Variants in DIS3L observed in about 807,000 individuals in gnomAD.
The protein encoded by DIS3L is DIS3 like exosome 3'-5' exoribonuclease, also known as DIS3-like exonuclease 1.
A neutral mutation model predicts 120.3 loss-of-function variants in DIS3L; 100 were observed. The observed-to-expected ratio is 0.83, with a 90% CI of 0.71 to 0.98. The LOEUF (loss-of-function observed/expected upper bound fraction) is 0.98, where lower values mean the gene tolerates loss of function less well. Ranked by LOEUF, DIS3L falls within the 50% of genes least tolerant of loss-of-function variation. The pLI is 0.00. For synonymous variants in DIS3L, 426 were observed against 470.6 expected (o/e 0.91, Z 1.23); for missense variants, 1,196 against 1,314.2 (o/e 0.91, Z 1.39).
chr15:66,319,111 CT>C (rs2092853007), intron 8 of DIS3L, among the ~76,000 whole-genome samples: 2 of 151,808 alleles, frequency 1.3e-5, no homozygotes, highest in South Asian at 4.2e-4. Flanking sequence ...TTTTTTAATT[CT>C]TTTTTTGTAG....
intron 12 of DIS3L, among the ~76,000 whole-genome samples, chr15:66,328,196 A>G (rs2092959020): frequency 6.6e-6 from 1 of 152,210 alleles, no homozygotes; most frequent in African/African-American, 2.4e-5. Context: ...TTTAACAGTC[A>G]GGGCAGAGCC....
chr15:66,307,293 A>AT (rs990553975), intron 3 of DIS3L, among the ~76,000 whole-genome samples: 4 of 151,090 alleles, frequency 2.6e-5, no homozygotes, highest in African/African-American at 4.9e-5. Context: ...TTGTTTTTTT[A>AT]TTTTTTTTAA....
rs966837610 is a variant in DIS3L at position 66,333,518 on chromosome 15, C to G, written c.*206C>G. On this transcript the variant is annotated 3_prime_UTR_variant, in exon 17 of 17. Coordinates refer to ENST00000319212, the MANE Select transcript of DIS3L (RefSeq NM_001143688.3). ...GGCTGAGGCGGGCGGATCACGAGGTCAGGAGATTGAGACCATCCTGGCTAA... is the reference window on the plus strand; with the variant it reads ...GGCTGAGGCGGGCGGATCACGAGGTGAGGAGATTGAGACCATCCTGGCTAA... 1 of 445,242 alleles carries G rather than the reference C, an allele frequency of 2.2e-6. No homozygotes were observed. Among genetic ancestry groups the G allele is most frequent in the Non-Finnish European group, 3.9e-6 (1 of 254,262 alleles). The allele number at this position is 445,242 out of a possible 1,614,324, so 27.6% of individuals were successfully genotyped here.
chr15:66,293,913 C>G (rs967842230), intron 1 of DIS3L, 178 bp downstream of exon 1: 86 of 1,000,086 alleles, frequency 8.6e-5, no homozygotes, highest in Non-Finnish European at 1.0e-4. Context: ...ACCCAGCGGC[C>G]CGGGTCCGCG....
Position 66,300,415 on chromosome 15 carries a change from C to T in DIS3L, c.293+5274C>T, listed in dbSNP as rs557936951. Among the ~76,000 whole-genome samples the T allele has an allele frequency of 2.0e-5, 3 of 152,258 alleles. No individual in the cohort carries two copies. In the South Asian group the frequency reaches 6.2e-4, roughly 32 times the overall value. On this transcript the variant is annotated intron_variant, in intron 2 of 16. Coordinates refer to ENST00000319212, the MANE Select transcript of DIS3L (RefSeq NM_001143688.3). ...GGTCAAGGGGAACAGGCAATGACTG[C>T]TTAATGGATGGATACAGATTTCTTT...
At chr15:66,300,486 G>A (rs2092636516) in intron 2 of DIS3L, among the ~76,000 whole-genome samples, 1 of 152,208 alleles carries the variant, frequency 6.6e-6, no homozygotes, top group Admixed American at 6.5e-5. Flanking sequence ...GGTGATGGTT[G>A]CATAACTGTG....
At chr15:66,301,048 G>A (rs2092642248) in intron 2 of DIS3L, among the ~76,000 whole-genome samples, 1 of 152,070 alleles carries the variant, frequency 6.6e-6, no homozygotes, top group Non-Finnish European at 1.5e-5. Flanking sequence ...CACTGGTGTG[G>A]GACTCCCACT....
intron 8 of DIS3L, 116 bp from the exon 9 acceptor site, chr15:66,320,455 C>T: frequency 8.8e-7 from 1 of 1,138,552 alleles, no homozygotes; most frequent in African/African-American, 1.6e-5. Context: ...CCACTATTTG[C>T]ACCTGGCCAC....
chr15:66,333,427 C>G lies in DIS3L; in HGVS notation c.*115C>G, dbSNP rs1006074965. 8.6e-7 allele frequency: 1 copy of G among 1,162,066 alleles called. No individual in the cohort carries two copies. Among genetic ancestry groups the G allele is most frequent in the Non-Finnish European group, 1.2e-6 (1 of 836,124 alleles). 72.0% of individuals were successfully genotyped at this position (1,162,066 alleles called of 1,614,324 possible). On this transcript the variant is annotated 3_prime_UTR_variant, in exon 17 of 17. Transcript: ENST00000319212. ...GTCGATCAGGACTGGGTAGCTATTT[C>G]GCATATATGTAAAATGTTCTCAGCC...
chr15:66,310,474 A>G (rs1051014318), intron 4 of DIS3L, among the ~76,000 whole-genome samples: 4 of 152,198 alleles, frequency 2.6e-5, no homozygotes, highest in Admixed American at 6.5e-5. Flanking sequence ...GAGGTGAATG[A>G]TAGTAGAAAA....
Position 66,311,885 on chromosome 15 carries a change from T to C in DIS3L, c.720T>C (p.Ser240=), listed in dbSNP as rs762913277. The part of the protein sequence containing the change: ...PLEVLEAGIK[S]GRYIQGILNV... The stretch of plus-strand genomic sequence containing the variant: ...AAGTGTTAGAAGCTGGGATTAAATC[T>C]GGACGCTATATCCAGGTGAGGGTGG... The change falls in exon 5 of 17, where the codon TCT becomes TCC. Residue 240 remains serine (S), a synonymous_variant. Coordinates refer to ENST00000319212, the MANE Select transcript of DIS3L (RefSeq NM_001143688.3). The C allele has an allele frequency of 5.6e-6, 9 of 1,613,946 alleles. No individual in the cohort carries two copies. The highest frequency in any genetic ancestry group is 2.5e-6 in the Non-Finnish European group (3 of 1,179,970).
chr15:66,316,708 G>T (rs2092820346), intron 7 of DIS3L, among the ~76,000 whole-genome samples: 1 of 152,156 alleles, frequency 6.6e-6, no homozygotes, highest in South Asian at 2.1e-4. Flanking sequence ...CCCAGCTACT[G>T]GGAAGCTGAG....
chr15:66,294,962 C>T, intron 1 of DIS3L, 26 bp from the exon 2 acceptor site: 1 of 1,579,088 alleles, frequency 6.3e-7, no homozygotes. Flanking sequence ...ATTGTCTAAT[C>T]TCTTACATTT....
At chr15:66,318,676 C>G in intron 8 of DIS3L, 58 bp downstream of exon 8, 1 of 1,553,546 alleles carries the variant, frequency 6.4e-7, no homozygotes, top group Non-Finnish European at 8.7e-7. Context: ...CTGTCTTTAC[C>G]AGCTTTTTAG....
chr15:66,328,865 T>C lies in DIS3L; in HGVS notation c.2202-105T>C, dbSNP rs2092965655. The C allele has an allele frequency of 8.7e-6, 12 of 1,383,054 alleles. No homozygotes were observed. In the South Asian group the frequency reaches 1.5e-4, roughly 18 times the overall value. The allele number at this position is 1,383,054 out of a possible 1,614,324, so 85.7% of individuals were successfully genotyped here. A position where few individuals can be genotyped will look rare whatever the true frequency, so the allele number is the denominator to read the frequency against. ...TGAAACGTGTCCAAAACAAATTTAC[T>C]GGCAGATGAAGGTATTCAGACGGAT... On this transcript the variant is annotated intron_variant, in intron 12 of 16. Coordinates refer to ENST00000319212, the MANE Select transcript of DIS3L (RefSeq NM_001143688.3).
At chr15:66,295,643 C>T (rs922625849) in intron 2 of DIS3L, among the ~76,000 whole-genome samples, 24 of 152,184 alleles carry the variant, frequency 1.6e-4, no homozygotes, top group African/African-American at 5.8e-4. Context: ...AGTGTAACTA[C>T]CAGCCATAGT....
At chr15:66,294,529 C>CA in intron 1 of DIS3L, 1 of 989,592 alleles carries the variant, frequency 1.0e-6, no homozygotes, top group Non-Finnish European at 1.2e-6. Flanking sequence ...ACGTTGCTTG[C>CA]ACGGAGCATT....
intron 12 of DIS3L, among the ~76,000 whole-genome samples, chr15:66,327,532 C>G (rs1313927941): frequency 6.6e-6 from 1 of 151,826 alleles, no homozygotes; most frequent in Non-Finnish European, 1.5e-5. Context: ...CCGAGGCGGG[C>G]AGATCACGAG....
chr15:66,304,108 A>C (rs866854284), intron 2 of DIS3L, among the ~76,000 whole-genome samples: 3 of 144,210 alleles, frequency 2.1e-5, no homozygotes, highest in Non-Finnish European at 4.6e-5. Flanking sequence ...AAAAAAAAAA[A>C]AAAACAATAT....
Sources: gnomAD v4.1 joint callset for allele counts (sites outside exome capture counted in the v4.1 genomes callset) on GRCh38, gnomAD v4.1.1 for gene constraint, MANE v1.5 for transcripts, NCBI Gene and HGNC (gene_info 2026-07-23, HGNC 2026-07-21) for gene names.